C1GALT1: variants seen among roughly 807,000 people sequenced by gnomAD.
C1GALT1 encodes glycoprotein-N-acetylgalactosamine 3-beta-galactosyltransferase 1.
In C1GALT1, 11 loss-of-function variants were observed where a neutral mutation model predicts 31.0. That is an observed-to-expected ratio of 0.36 (90% confidence interval 0.22 to 0.59). The LOEUF is 0.59. C1GALT1 is among the 20% of genes least tolerant of loss of function. The pLI is 0.79. For missense variants in C1GALT1, 424 were observed against 425.2 expected (o/e 1.00, Z 0.03); for synonymous variants, 175 against 143.6 (o/e 1.22, Z -1.56).
At chr7:7,186,162 TTTCTTG>T (rs1780807812) in intron 1 of C1GALT1, among the ~76,000 whole-genome samples, 2 of 152,126 alleles carry the variant, frequency 1.3e-5, no homozygotes, top group Non-Finnish European at 2.9e-5. Context: ...TCTTTCTTTC[TTTCTTG>T]TAAAGCTACC....
chr7:7,220,667 A>T (rs552403547), intron 1 of C1GALT1, among the ~76,000 whole-genome samples: 8 of 152,076 alleles, frequency 5.3e-5, no homozygotes, highest in Non-Finnish European at 1.2e-4. Flanking sequence ...GACTACAGGC[A>T]TGTGCCACCA....
At chr7:7,243,326 A>G (rs971873847) in intron 3 of C1GALT1, among the ~76,000 whole-genome samples, 198 bp from the exon 4 acceptor site, 10 of 152,228 alleles carry the variant, frequency 6.6e-5, no homozygotes, top group East Asian at 1.9e-4. Flanking sequence ...ACCAATTTCA[A>G]TTGGTTTTAA....
rs1042535556 is a variant in C1GALT1, at chr7:7,236,770, C to T, written c.221-1485C>T. Among the ~76,000 whole-genome samples the T allele has an allele frequency of 1.4e-4, 22 of 152,190 alleles. 2 individuals are homozygous for T. Among genetic ancestry groups the T allele is most frequent in the East Asian group, 3.9e-4 (2 of 5,164 alleles). On this transcript the variant is annotated intron_variant, in intron 2 of 3. Transcript: ENST00000436587. ...CGAACTCCTGACCTCGTGATCTACC[C>T]GCCTCAGCCTCCCAAAGTGCTGGGA...
At chr7:7,213,757 C>A (rs1240565659) in intron 1 of C1GALT1, among the ~76,000 whole-genome samples, 3 of 152,074 alleles carry the variant, frequency 2.0e-5, no homozygotes, top group Non-Finnish European at 4.4e-5. Context: ...TAATTTTATC[C>A]ACTTTGACCA....
At chr7:7,201,873 A>G (rs1474068984) in intron 1 of C1GALT1, among the ~76,000 whole-genome samples, 1 of 151,904 alleles carries the variant, frequency 6.6e-6, no homozygotes, top group Non-Finnish European at 1.5e-5. Flanking sequence ...AGGAAACTTC[A>G]TGTTTGTTTG....
At chr7:7,227,364 T>G (rs1213077335) in intron 1 of C1GALT1, among the ~76,000 whole-genome samples, 1 of 152,226 alleles carries the variant, frequency 6.6e-6, no homozygotes, top group Non-Finnish European at 1.5e-5. Flanking sequence ...ATGAATGGTT[T>G]AATCCATTAA....
intron 1 of C1GALT1, among the ~76,000 whole-genome samples, chr7:7,191,699 T>C (rs1005995442): frequency 6.6e-5 from 10 of 152,140 alleles, no homozygotes; most frequent in Admixed American, 2.0e-4. Context: ...CATCTCATTG[T>C]AGTCTTGATT....
At chr7:7,221,480 TTGTC>T (rs1253031424) in intron 1 of C1GALT1, among the ~76,000 whole-genome samples, 1 of 102,170 alleles carries the variant, frequency 9.8e-6, no homozygotes, top group African/African-American at 3.5e-5. Flanking sequence ...ATGTGACTGT[TTGTC>T]TTTTTCTTTC....
chr7:7,165,562 C>T (rs1398306699), intron 2 of C1GALT1, among the ~76,000 whole-genome samples: 1 of 152,008 alleles, frequency 6.6e-6, no homozygotes, highest in Non-Finnish European at 1.5e-5. Flanking sequence ...GTGTAGGAAG[C>T]TCTAGATGCA....
intron 1 of C1GALT1, among the ~76,000 whole-genome samples, chr7:7,229,387 G>T (rs911690677): frequency 6.6e-6 from 1 of 152,038 alleles, no homozygotes; most frequent in Non-Finnish European, 1.5e-5. Context: ...TGCTTCAATC[G>T]TATTCTGCTT....
Position 7,166,640 on chromosome 7 carries a change from T to C in C1GALT1, c.-18+9214T>C, listed in dbSNP as rs564169923. 2.6e-3 allele frequency among the ~76,000 whole-genome samples: 392 copies of C among 152,314 alleles called. 1 individual carries two copies. Among genetic ancestry groups the C allele is most frequent in the Non-Finnish European group, 4.3e-3 (291 of 68,028 alleles). The stretch of plus-strand genomic sequence containing the variant: ...TTATGTATACTTATTGAATGTCAAT[T>C]ATACCTCAATAAAGCAGTTAAAAAC... On this transcript the variant is annotated intron_variant, in intron 2 of 3. Transcript: ENST00000429911.
intron 3 of C1GALT1, 93 bp from the exon 4 acceptor site, chr7:7,243,428 ATTC>A: frequency 4.9e-6 from 5 of 1,018,352 alleles, no homozygotes; most frequent in Non-Finnish European, 7.2e-6. Flanking sequence ...TAATGTTTGT[ATTC>A]TTTTAAAATT....
intron 1 of C1GALT1, among the ~76,000 whole-genome samples, chr7:7,226,825 A>C (rs1255150227): frequency 6.6e-6 from 1 of 152,224 alleles, no homozygotes; most frequent in African/African-American, 2.4e-5. Context: ...TTAAGCAGTC[A>C]TGGAATTACA....
chr7:7,189,748 A>G (rs900881172), intron 1 of C1GALT1, among the ~76,000 whole-genome samples: 1 of 152,130 alleles, frequency 6.6e-6, no homozygotes, highest in Non-Finnish European at 1.5e-5. Context: ...AGTGTGGGAG[A>G]GATCTCAATT....
intron 1 of C1GALT1, among the ~76,000 whole-genome samples, chr7:7,226,944 A>T (rs546868757): frequency 1.3e-5 from 2 of 152,322 alleles, no homozygotes; most frequent in Admixed American, 1.3e-4. Context: ...GTGTATATAT[A>T]TATTTGTACA....
intron 1 of C1GALT1, among the ~76,000 whole-genome samples, chr7:7,233,344 A>G (rs1011264485): frequency 4.6e-5 from 7 of 151,970 alleles, no homozygotes; most frequent in African/African-American, 1.5e-4. Context: ...GCACACTGCA[A>G]CCTCCGCCTT....
chr7:7,223,364 T>A (rs574483604), intron 1 of C1GALT1, among the ~76,000 whole-genome samples: 1 of 152,338 alleles, frequency 6.6e-6, no homozygotes, highest in African/African-American at 2.4e-5. Context: ...GGTTTCTCCA[T>A]GTTGGCCAGT....
rs1783727222 is a variant in C1GALT1, at chr7:7,243,667, A to G, written c.1032A>G (p.Leu344=). The G allele has an allele frequency of 2.5e-6, 4 of 1,606,238 alleles. No individual in the cohort carries two copies. The highest frequency in any genetic ancestry group is 3.4e-6 in the Non-Finnish European group (4 of 1,177,962). The change falls in exon 4 of 4, where the codon CTA becomes CTG. Residue 344 remains leucine, a synonymous_variant. Coordinates refer to ENST00000436587, the MANE Select transcript of C1GALT1 (RefSeq NM_020156.5). ...AACCTACCTTACCTGAACGTATACT[A>G]AAGGAAATTAGTCAAGCAAACAAAA... The part of the protein sequence containing the change: ...RYQPTLPERI[L]KEISQANKNE...
chr7:7,226,586 T>C (rs1232969933), intron 1 of C1GALT1, among the ~76,000 whole-genome samples: 1 of 152,098 alleles, frequency 6.6e-6, no homozygotes, highest in Non-Finnish European at 1.5e-5. Flanking sequence ...AAGAAGACCA[T>C]GGAGTAATAT....
Sources: gnomAD v4.1 joint callset for allele counts (sites outside exome capture counted in the v4.1 genomes callset) on GRCh38, gnomAD v4.1.1 for gene constraint, MANE v1.5 for transcripts, NCBI Gene and HGNC (gene_info 2026-07-23, HGNC 2026-07-21) for gene names.